ROGDI: variants seen among roughly 807,000 people sequenced by gnomAD.
ROGDI encodes the protein rogdi atypical leucine zipper.
A neutral mutation model predicts 43.1 loss-of-function variants in ROGDI; 46 were observed. That is an observed-to-expected ratio of 1.07 (90% CI 0.84 to 1.37). The LOEUF (loss-of-function observed/expected upper bound fraction) is 1.37, where lower values mean the gene tolerates loss of function less well. Ranked by LOEUF, ROGDI falls within the 40% of genes most tolerant of loss-of-function variation. The pLI, the probability that ROGDI is intolerant of heterozygous loss-of-function variation, is 0.00. For missense variants in ROGDI, 518 were observed against 383.9 expected, an observed-to-expected ratio of 1.35 and a Z score of -2.92; for synonymous variants, 243 against 162.0, an observed-to-expected ratio of 1.50 and a Z score of -3.80.
chr16:4,798,816 T>C (rs988040874), intron 6 of ROGDI, 149 bp from the exon 7 acceptor site: 9 of 653,950 alleles, frequency 1.4e-5, no homozygotes, highest in Non-Finnish European at 2.4e-5. Context: ...TAAAGACAGG[T>C]AGTTGGGCTC....
rs537216996 is a variant in ROGDI at position 4,802,167 on chromosome 16, C to T, written c.117+215G>A. ...GACCCGAGGCCGGGCGGGACTCAGG[C>T]CCTTGCTAGCACCCTCGTCGGGACC... On this transcript the variant is annotated intron_variant, in intron 2 of 10. Transcript: ENST00000322048. The T allele has an allele frequency of 4.0e-5, 26 of 652,684 alleles. No individual in the cohort carries two copies. The African/African-American group carries it at 4.5e-4, about 11-fold the overall frequency. 40.4% of individuals were successfully genotyped at this position (652,684 alleles called of 1,614,324 possible). A position where few individuals can be genotyped will look rare whatever the true frequency, so the allele number is the denominator to read the frequency against.
At position 4,798,154 on chromosome 16, in the gene ROGDI, G is replaced by A. The variant is rs1304248183; in HGVS notation, c.562C>T (p.Leu188=). ...RMFAPALPSD[L]LVNVYINLNK... is the part of the protein sequence containing the mutation. ...AGGTTGATGTAGACGTTGACCAGCAGGTCGGACGGCAGGGCAGGGGCGAAC... is the reference window on the plus strand; with the variant it reads ...AGGTTGATGTAGACGTTGACCAGCAAGTCGGACGGCAGGGCAGGGGCGAAC... The change falls in exon 8 of 11, where the codon CTG becomes TTG. Residue 188 remains leucine, a synonymous_variant. Coordinates refer to ENST00000322048, the MANE Select transcript of ROGDI (RefSeq NM_024589.3). 14 of 1,614,024 alleles carry A rather than the reference G, an allele frequency of 8.7e-6. No homozygotes were observed. The Middle Eastern group carries it at 6.6e-4, about 76-fold the overall frequency.
chr16:4,801,615 G>T, intron 2 of ROGDI, 30 bp from the exon 3 acceptor site: 1 of 1,558,670 alleles, frequency 6.4e-7, no homozygotes, highest in East Asian at 2.3e-5. Context: ...AGGGGAGCTG[G>T]TAGCGCCCAC....
At position 4,798,592 on chromosome 16, in the gene ROGDI, C is replaced by CGG. The variant is rs786205124; in HGVS notation, c.506_507dup (p.Glu170ProfsTer73). The CGG allele has an allele frequency of 1.3e-5, 21 of 1,568,620 alleles. No homozygotes were observed. Among genetic ancestry groups the CGG allele is most frequent in the Non-Finnish European group, 1.6e-5 (19 of 1,162,904 alleles). On this transcript the variant is annotated frameshift_variant, in exon 7 of 11. Coordinates refer to ENST00000322048, the MANE Select transcript of ROGDI (RefSeq NM_024589.3). LOFTEE classifies it high-confidence loss of function. The stretch of plus-strand genomic sequence containing the variant: ...ACCGTGAGGCCGCTGGCGGCGATCT[C>CGG]GGGGAGGGTGAGGGTGGCGGGGGTG...
At position 4,802,251 on chromosome 16, in the gene ROGDI, G is replaced by GGGCCCTGCCTGAAAGCCGC. The variant is rs571204461; in HGVS notation, c.117+112_117+130dup. The GGGCCCTGCCTGAAAGCCGC allele has an allele frequency of 3.0e-4, 249 of 831,782 alleles. 3 individuals carry two copies. The South Asian group carries it at 3.3e-3, about 11-fold the overall frequency. The allele number at this position is 831,782 out of a possible 1,614,324, so 51.5% of individuals were successfully genotyped here. ...AGGTCGGCTCGAGTTCGCGGAGGCG[G>GGGCCCTGCCTGAAAGCCGC]GGCCCTGCCTGAAAGCCGCGGCAGC... On this transcript the variant is annotated intron_variant, in intron 2 of 10. Coordinates refer to ENST00000322048, the MANE Select transcript of ROGDI (RefSeq NM_024589.3).
At chr16:4,799,821 C>T in intron 5 of ROGDI, 40 bp from the exon 6 acceptor site, 2 of 1,470,318 alleles carry the variant, frequency 1.4e-6, no homozygotes, top group Middle Eastern at 1.7e-4. Flanking sequence ...CGCCAGCTTC[C>T]ATGCGGCCAG....
In ROGDI at chr16:4,797,346, G is replaced by A. The variant is rs552155335; in HGVS notation, c.*114C>T. ...GTGCAAATGTGTTAGGTGGGGTAGG[G>A]GGTGGGATAGGGAGATAAATAGCAG... is the stretch of plus-strand genomic sequence containing the variant. On this transcript the variant is annotated 3_prime_UTR_variant, in exon 11 of 11. Coordinates refer to ENST00000322048, the MANE Select transcript of ROGDI (RefSeq NM_024589.3). The A allele has an allele frequency of 1.5e-5, 13 of 877,290 alleles. No homozygotes were observed. The South Asian group carries it at 2.2e-4, about 15-fold the overall frequency. 54.3% of individuals were successfully genotyped at this position (877,290 alleles called of 1,614,324 possible). A position where few individuals can be genotyped will look rare whatever the true frequency, so the allele number is the denominator to read the frequency against.
chr16:4,799,834 G>A lies in ROGDI; in HGVS notation c.337-53C>T, dbSNP rs140047969. On this transcript the variant is annotated intron_variant, in intron 5 of 10. Transcript: ENST00000322048. ...CACGCCAGCTTCCATGCGGCCAGGA[G>A]GGGAGAGTGGGTGCTGCCTGCCTGC... 1,624 of 1,297,496 alleles carry A rather than the reference G, an allele frequency of 1.3e-3. 20 individuals carry two copies. The African/African-American group carries it at 0.021, about 17-fold the overall frequency. 80.4% of individuals were successfully genotyped at this position (1,297,496 alleles called of 1,614,324 possible).
At position 4,797,788 on chromosome 16, in the gene ROGDI, C is replaced by A; in HGVS notation, c.748G>T (p.Val250Leu). 1 of 1,613,588 alleles carries A rather than the reference C, an allele frequency of 6.2e-7. No individual in the cohort carries two copies. Among genetic ancestry groups the A allele is most frequent in the South Asian group, 1.1e-5 (1 of 91,090 alleles). ...AGGGCGTCGTTGAGCCAGGGGATCA[C>A]GCACTCCACTTTGTGCACGTGGCTC... The part of the protein sequence containing the change: ...EVSHVHKVEC[V>L]IPWLNDALVY... Residue 250 changes from valine (V) to leucine (L), a missense_variant, in exon 10 of 11, where the codon GTG (valine) becomes TTG (leucine). Val to Leu is a conservative substitution (Grantham distance 32, BLOSUM62 1). Coordinates refer to ENST00000322048, the MANE Select transcript of ROGDI (RefSeq NM_024589.3).
At chr16:4,799,390 G>A (rs1596276244) in intron 6 of ROGDI, among the ~76,000 whole-genome samples, 1 of 152,136 alleles carries the variant, frequency 6.6e-6, no homozygotes, top group East Asian at 1.9e-4. Flanking sequence ...ATGAGGTCAG[G>A]TGCCCAGGTC....
rs750166706 is a variant in ROGDI at position 4,798,175 on chromosome 16, C to G, written c.541G>C (p.Ala181Pro). The G allele has an allele frequency of 1.9e-6, 3 of 1,613,238 alleles. No individual in the cohort carries two copies. Among genetic ancestry groups the G allele is most frequent in the Admixed American group, 1.7e-5 (1 of 59,946 alleles). Residue 181 changes from alanine (A) to proline (P), a missense_variant, in exon 8 of 11, where the codon GCC becomes CCC. Ala to Pro is a conservative substitution (Grantham distance 27). Coordinates refer to ENST00000322048, the MANE Select transcript of ROGDI (RefSeq NM_024589.3). ...AGCAGGTCGGACGGCAGGGCAGGGG[C>G]GAACATCCGCTGCGGGAGGCAGGTG... The part of the protein sequence containing the change: ...IAASGLTRMF[A>P]PALPSDLLVN...
chr16:4,798,731 A>G lies in ROGDI; in HGVS notation c.433-64T>C, dbSNP rs1308719538. On this transcript the variant is annotated intron_variant, in intron 6 of 10. Coordinates refer to ENST00000322048, the MANE Select transcript of ROGDI (RefSeq NM_024589.3). The stretch of plus-strand genomic sequence containing the variant: ...GTCCCCATGCATTAAGGAACAACAG[A>G]CATGGTAGCTCCCACTCCCACCCAG... The G allele has an allele frequency of 2.3e-6, 3 of 1,325,360 alleles. No homozygotes were observed. The South Asian group carries it at 3.8e-5, about 17-fold the overall frequency. The allele number at this position is 1,325,360 out of a possible 1,614,324, so 82.1% of individuals were successfully genotyped here. A position where few individuals can be genotyped will look rare whatever the true frequency, so the allele number is the denominator to read the frequency against.
At position 4,797,254 on chromosome 16, in the gene ROGDI, G is replaced by C; in HGVS notation, c.*206C>G. On this transcript the variant is annotated 3_prime_UTR_variant, in exon 11 of 11. Coordinates refer to ENST00000322048, the MANE Select transcript of ROGDI (RefSeq NM_024589.3). ...GGGACACCCTTGGCCCCGCCTCCCT[G>C]ACCTCCCCACTACCCCACCAAACCA... The C allele has an allele frequency of 1.8e-6, 1 of 565,536 alleles. No homozygotes were observed. Among genetic ancestry groups the C allele is most frequent in the Non-Finnish European group, 3.1e-6 (1 of 318,288 alleles). 35.0% of individuals were successfully genotyped at this position (565,536 alleles called of 1,614,324 possible).
At chr16:4,800,436 C>G in intron 5 of ROGDI, 62 bp downstream of exon 5, 1 of 1,365,934 alleles carries the variant, frequency 7.3e-7, no homozygotes, top group South Asian at 1.3e-5. Flanking sequence ...AGGGAGGCCC[C>G]GCGGCAGGCC....
intron 4 of ROGDI, chr16:4,801,037 C>T (rs1399926465): frequency 2.3e-5 from 12 of 513,620 alleles, no homozygotes; most frequent in Admixed American, 3.6e-5. Flanking sequence ...CTGGTCCGGA[C>T]GCCAGGCCAG....
At chr16:4,799,122 C>A (rs531521957) in intron 6 of ROGDI, among the ~76,000 whole-genome samples, 1 of 152,184 alleles carries the variant, frequency 6.6e-6, no homozygotes, top group South Asian at 2.1e-4. Flanking sequence ...TTCCCTTTGC[C>A]GTGGAGCAGA....
At chr16:4,797,911 C>A in intron 9 of ROGDI, 27 bp downstream of exon 9, 1 of 1,599,940 alleles carries the variant, frequency 6.3e-7, no homozygotes. Context: ...GTGGGCGTGC[C>A]TGGACCCCCC....
chr16:4,802,224 T>C (rs779374586), intron 2 of ROGDI, 158 bp downstream of exon 2: 12 of 701,432 alleles, frequency 1.7e-5, no homozygotes, highest in Admixed American at 1.3e-4. Context: ...ACTTATATAA[T>C]GAGGTCGGCT....
At chr16:4,801,182 C>A in intron 4 of ROGDI, 85 bp downstream of exon 4, 1 of 1,179,982 alleles carries the variant, frequency 8.5e-7, no homozygotes, top group Non-Finnish European at 1.2e-6. Context: ...CGCCCAGAGT[C>A]GCAGGGCTTG....
Sources: allele counts gnomAD v4.1 joint callset (sites outside exome capture counted in the v4.1 genomes callset), GRCh38; gene constraint gnomAD v4.1.1; transcripts MANE v1.5; gene names NCBI Gene and HGNC (gene_info 2026-07-23, HGNC 2026-07-21).